Variants in TLN2 observed in about 807,000 individuals in gnomAD.
TLN2 encodes the protein talin-2.
In TLN2, 118 loss-of-function variants were observed where a neutral mutation model predicts 294.7. The ratio of observed to expected loss-of-function variants is 0.40; its 90% CI spans 0.34 to 0.47. The LOEUF is 0.47. TLN2 is among the 20% of genes least tolerant of loss of function. TLN2 has a pLI of 0.84. For missense variants in TLN2, 3,083 were observed against 3,282.2 expected (o/e 0.94, Z 1.48); for synonymous variants, 1,431 against 1,304.5 (o/e 1.10, Z -2.09).
At chr15:62,422,219 CAAAAAAAAAAAA>C (rs386383227) in intron 1 of TLN2, among the ~76,000 whole-genome samples, 6 of 55,356 alleles carry the variant, frequency 1.1e-4, no homozygotes, top group Non-Finnish European at 1.9e-4. Flanking sequence ...AACTCTGTCT[CAAAAAAAAAAAA>C]AAAAAAAAAA....
At chr15:62,797,088 TG>T in intron 47 of TLN2, 130 bp from the exon 48 acceptor site, 1 of 941,476 alleles carries the variant, frequency 1.1e-6, no homozygotes, top group Non-Finnish European at 1.6e-6. Flanking sequence ...TAAAGGGAGG[TG>T]TAACACAGCA....
intron 1 of TLN2, among the ~76,000 whole-genome samples, chr15:62,488,420 G>C (rs2038528643): frequency 6.6e-6 from 1 of 152,138 alleles, no homozygotes; most frequent in African/African-American, 2.4e-5. Flanking sequence ...CTGGAGTGAG[G>C]ATGAGAATTG....
Position 62,677,806 on chromosome 15 carries a change from C to CTTTTT in TLN2, c.957+2496_957+2500dup, listed in dbSNP as rs3055781. Among the ~76,000 whole-genome samples the CTTTTT allele has an allele frequency of 2.5e-4, 19 of 75,268 alleles. 4 individuals carry two copies. The highest frequency in any genetic ancestry group is 3.6e-4 in the Non-Finnish European group (15 of 41,466). The allele number at this position is 75,268 out of a possible 152,430, so 49.4% of individuals were successfully genotyped here. On this transcript the variant is annotated intron_variant, in intron 11 of 58. Transcript: ENST00000636159. ...TTAAGAAAGTAGGCAGCACTTGCAACTTTTTTTTTTTTTTTGAGACGGAGA... is the reference window on the plus strand; with the variant it reads ...TTAAGAAAGTAGGCAGCACTTGCAACTTTTTTTTTTTTTTTTTTTTGAGACGGAGA...
chr15:62,600,044 T>C (rs925541879), intron 2 of TLN2, among the ~76,000 whole-genome samples: 1 of 152,138 alleles, frequency 6.6e-6, no homozygotes, highest in African/African-American at 2.4e-5. Context: ...GGAGGGGATA[T>C]TGCTAGAGCG....
chr15:62,420,276 G>T (rs189455770), intron 1 of TLN2, among the ~76,000 whole-genome samples: 115 of 152,226 alleles, frequency 7.6e-4, no homozygotes, highest in African/African-American at 2.6e-3. Flanking sequence ...TATTTTCATA[G>T]AATTTCATGT....
intron 1 of TLN2, among the ~76,000 whole-genome samples, chr15:62,482,093 A>C (rs185614607): frequency 4.1e-4 from 62 of 152,132 alleles, no homozygotes; most frequent in Non-Finnish European, 5.7e-4. Context: ...GCACCTGGCT[A>C]TTTCTTTATA....
intron 37 of TLN2, among the ~76,000 whole-genome samples, chr15:62,758,913 A>T (rs1420553851): frequency 6.6e-6 from 1 of 151,370 alleles, no homozygotes; most frequent in Non-Finnish European, 1.5e-5. Context: ...TTAAGCTTAA[A>T]TTGTCTTTAG....
At chr15:62,644,379 G>T in intron 3 of TLN2, 1 of 393,052 alleles carries the variant, frequency 2.5e-6, no homozygotes, top group East Asian at 7.2e-5. Context: ...TCAGAATGTT[G>T]TTCCCAGGGC....
intron 23 of TLN2, 137 bp from the exon 24 acceptor site, chr15:62,717,439 G>C (rs1365161306): frequency 2.2e-6 from 1 of 465,086 alleles, no homozygotes; most frequent in Non-Finnish European, 3.7e-6. Context: ...GTCATCACTG[G>C]TTTTAAAAGG....
chr15:62,656,730 G>T (rs917736542), intron 8 of TLN2, among the ~76,000 whole-genome samples: 4 of 152,120 alleles, frequency 2.6e-5, no homozygotes, highest in African/African-American at 9.7e-5. Context: ...AAATAATGTA[G>T]GGGTTGGCAA....
rs140514853 is a variant in TLN2, at chr15:62,477,628, G to A, written c.-238+86943G>A. On this transcript the variant is annotated intron_variant, in intron 1 of 58. Coordinates refer to ENST00000636159, the MANE Select transcript of TLN2 (RefSeq NM_015059.3). The stretch of plus-strand genomic sequence containing the variant: ...TGGAATCCTATGGGCTCTCTCTGTA[G>A]GGTGTGTTCTGTATAAGTCAGCATT... Among the ~76,000 whole-genome samples, 23 of 152,220 alleles carry A rather than the reference G, an allele frequency of 1.5e-4. No individual in the cohort carries two copies. The East Asian group carries it at 4.4e-3, about 29-fold the overall frequency.
chr15:62,691,043 AGAGGGG>A (rs1212628512), intron 12 of TLN2, among the ~76,000 whole-genome samples: 1 of 8,348 alleles, frequency 1.2e-4, no homozygotes, highest in African/African-American at 3.1e-4. Flanking sequence ...AGGGAGAGGG[AGAGGGG>A]GAGGGGGAGG....
At chr15:62,788,042 G>T (rs1229115499) in intron 45 of TLN2, among the ~76,000 whole-genome samples, 18 of 149,328 alleles carry the variant, frequency 1.2e-4, no homozygotes, top group Non-Finnish European at 1.5e-5. Context: ...TTTCCTCTGT[G>T]GCTCACGCCT....
intron 2 of TLN2, among the ~76,000 whole-genome samples, chr15:62,615,771 CT>C (rs1567196504): frequency 6.6e-6 from 1 of 152,254 alleles, no homozygotes; most frequent in East Asian, 1.9e-4. Flanking sequence ...TCAAAGGAGT[CT>C]CATCATATTT....
chr15:62,573,576 A>G (rs1471735924), intron 1 of TLN2, among the ~76,000 whole-genome samples: 3 of 151,968 alleles, frequency 2.0e-5, no homozygotes, highest in African/African-American at 7.3e-5. Context: ...CCGTGGGGCC[A>G]TGCACCCAGC....
chr15:62,740,840 C>G, intron 32 of TLN2, 71 bp downstream of exon 32: 1 of 1,589,476 alleles, frequency 6.3e-7, no homozygotes. Flanking sequence ...ATGTGCCTGA[C>G]ATCCTCCCAC....
rs570979597 is a variant in TLN2 at position 62,454,153 on chromosome 15, C to T, written c.-238+63468C>T. ...CTAGCATTTAGTGGCTCATTTTGGC[C>T]TTTTTCTTCCCCTAAGGGATTCTGT... On this transcript the variant is annotated intron_variant, in intron 1 of 58. Coordinates refer to ENST00000636159, the MANE Select transcript of TLN2 (RefSeq NM_015059.3). Among the ~76,000 whole-genome samples, 4 of 152,274 alleles carry T rather than the reference C, an allele frequency of 2.6e-5. No individual in the cohort carries two copies. The South Asian group carries it at 8.3e-4, about 32-fold the overall frequency.
At chr15:62,653,050 C>T (rs1215297072) in intron 6 of TLN2, 112 bp from the exon 7 acceptor site, 14 of 832,418 alleles carry the variant, frequency 1.7e-5, no homozygotes, top group South Asian at 5.0e-5. Flanking sequence ...TTTGTAAGGC[C>T]GTTTCTGGTT....
intron 1 of TLN2, among the ~76,000 whole-genome samples, chr15:62,457,751 G>A (rs2036564412): frequency 6.6e-6 from 1 of 152,212 alleles, no homozygotes; most frequent in South Asian, 2.1e-4. Flanking sequence ...CTGCACCTGC[G>A]TGGGAGCTGG....
Sources: allele counts gnomAD v4.1 joint callset (sites outside exome capture counted in the v4.1 genomes callset), GRCh38; gene constraint gnomAD v4.1.1; transcripts MANE v1.5; gene names NCBI Gene and HGNC (gene_info 2026-07-23, HGNC 2026-07-21).